BANK1: variants seen among roughly 807,000 people sequenced by gnomAD.
The protein encoded by BANK1 is B-cell scaffold protein with ankyrin repeats.
Under a neutral mutation model 94.5 loss-of-function variants are expected in BANK1, and 95 were observed. That is an observed-to-expected ratio of 1.00 (90% CI 0.85 to 1.19). The LOEUF (loss-of-function observed/expected upper bound fraction) is 1.19. Ranked by LOEUF, BANK1 falls within the 50% of genes most tolerant of loss-of-function variation. BANK1 has a pLI of 0.00. For missense variants in BANK1, 987 were observed against 932.2 expected, an observed-to-expected ratio of 1.06 and a Z score of -0.77; for synonymous variants, 334 against 308.4, an observed-to-expected ratio of 1.08 and a Z score of -0.87.
chr4:101,862,485 C>A (rs12647710), intron 3 of BANK1, 41 bp from the exon 4 acceptor site: 93,135 of 1,542,748 alleles, frequency 0.06, 3,966 homozygotes, highest in African/African-American at 0.17. Flanking sequence ...TTAATGTAAA[C>A]TTTTCCAAAT....
intron 10 of BANK1, among the ~76,000 whole-genome samples, chr4:102,033,282 A>T (rs762431525): frequency 6.6e-6 from 1 of 152,170 alleles, no homozygotes; most frequent in Non-Finnish European, 1.5e-5. Context: ...GAACCCTCCC[A>T]TTATGGGTGA....
At chr4:102,010,330 C>T (rs565556203) in intron 7 of BANK1, among the ~76,000 whole-genome samples, 38 of 151,778 alleles carry the variant, frequency 2.5e-4, no homozygotes, top group African/African-American at 6.8e-4. Flanking sequence ...CCAGTGCTGC[C>T]GTTCTCAAGA....
intron 7 of BANK1, among the ~76,000 whole-genome samples, chr4:101,976,553 A>G (rs1725136824): frequency 6.6e-6 from 1 of 152,152 alleles, no homozygotes; most frequent in Non-Finnish European, 1.5e-5. Context: ...TTGAGCATTA[A>G]TATATCTAAA....
intron 6 of BANK1, among the ~76,000 whole-genome samples, chr4:101,909,122 G>T (rs1199286733): frequency 6.6e-6 from 1 of 152,154 alleles, no homozygotes; most frequent in Non-Finnish European, 1.5e-5. Context: ...GCTTATTGCA[G>T]CAAAGACTTG....
intron 12 of BANK1, chr4:102,061,914 A>G (rs572111504): frequency 3.2e-4 from 49 of 152,324 alleles, no homozygotes; most frequent in African/African-American, 1.1e-3. Context: ...ATTACTTTCC[A>G]TAAGCAACAA....
At chr4:101,854,858 T>A (rs1349588900) in intron 2 of BANK1, among the ~76,000 whole-genome samples, 177 bp from the exon 3 acceptor site, 1 of 152,198 alleles carries the variant, frequency 6.6e-6, no homozygotes, top group South Asian at 2.1e-4. Context: ...ATAAAACTAG[T>A]TAAATTGTGA....
chr4:101,998,283 G>A (rs193138378), intron 7 of BANK1, among the ~76,000 whole-genome samples: 121 of 152,000 alleles, frequency 8.0e-4, no homozygotes, highest in African/African-American at 2.7e-3. Context: ...TCTGAGAGAC[G>A]GTTTGTTATT....
chr4:101,884,974 T>C (rs1228593406), intron 5 of BANK1, among the ~76,000 whole-genome samples: 1 of 152,168 alleles, frequency 6.6e-6, no homozygotes, highest in African/African-American at 2.4e-5. Context: ...AGTGGCGCGA[T>C]CTGGGTTCAC....
At chr4:102,044,881 T>C (rs1727827283) in intron 11 of BANK1, among the ~76,000 whole-genome samples, 1 of 125,804 alleles carries the variant, frequency 7.9e-6, no homozygotes, top group Non-Finnish European at 1.7e-5. Flanking sequence ...ATGGGGTTGT[T>C]TGTTTTTTTC....
At chr4:101,839,714 A>T (rs1726959309) in intron 2 of BANK1, among the ~76,000 whole-genome samples, 1 of 152,040 alleles carries the variant, frequency 6.6e-6, no homozygotes, top group Non-Finnish European at 1.5e-5. Flanking sequence ...TTCATTATTC[A>T]CAATGACCAG....
At chr4:101,980,038 T>C (rs73834536) in intron 7 of BANK1, among the ~76,000 whole-genome samples, 121 of 152,064 alleles carry the variant, frequency 8.0e-4, no homozygotes, top group African/African-American at 2.8e-3. Context: ...AAAAATTCTC[T>C]AGATTTTGGG....
rs774647175 is a variant in BANK1, at chr4:101,855,224, A to C, written c.624+35A>C. 5 of 1,592,406 alleles carry C rather than the reference A, an allele frequency of 3.1e-6. No individual in the cohort carries two copies. The African/African-American group carries it at 6.7e-5, about 21-fold the overall frequency. On this transcript the variant is annotated intron_variant, in intron 3 of 16. Coordinates refer to ENST00000322953, the MANE Select transcript of BANK1 (RefSeq NM_017935.5). ...GATACCTTGTTATTTAAGTGACCCCATTGTGTTATGGTGGTGGTGGTGGTT... is the reference window on the plus strand; with the variant it reads ...GATACCTTGTTATTTAAGTGACCCCCTTGTGTTATGGTGGTGGTGGTGGTT...
At chr4:101,888,813 C>T (rs901503990) in intron 5 of BANK1, among the ~76,000 whole-genome samples, 1 of 152,196 alleles carries the variant, frequency 6.6e-6, no homozygotes, top group Non-Finnish European at 1.5e-5. Context: ...TCATTGCATG[C>T]TTATTCCTAT....
chr4:101,868,222 T>C (rs1309956459), intron 4 of BANK1, among the ~76,000 whole-genome samples: 1 of 151,546 alleles, frequency 6.6e-6, no homozygotes, highest in Non-Finnish European at 1.5e-5. Context: ...AATGAGAAAA[T>C]GAAGCACAAG....
Position 101,970,621 on chromosome 4 carries a change from G to A in BANK1, c.1207-50893G>A, listed in dbSNP as rs558896857. Among the ~76,000 whole-genome samples the A allele has an allele frequency of 1.2e-4, 18 of 152,150 alleles. No homozygotes were observed. In the East Asian group the frequency reaches 2.7e-3, roughly 23 times the overall value. On this transcript the variant is annotated intron_variant, in intron 7 of 16. Coordinates refer to ENST00000322953, the MANE Select transcript of BANK1 (RefSeq NM_017935.5). ...TAGGAAAGTCGTGTTAGCCTGCACA[G>A]CTTGGCATGATAATTAAATAGAAAA...
At position 102,006,285 on chromosome 4, in the gene BANK1, T is replaced by G. The variant is rs10026145; in HGVS notation, c.1207-15229T>G. On this transcript the variant is annotated intron_variant, in intron 7 of 16. Transcript: ENST00000322953. The stretch of plus-strand genomic sequence containing the variant: ...TTGTTTTTAATCTCTGTTCTCATGT[T>G]TCTCCCTCATGGATGCACAGTAGAA... 1.9e-3 allele frequency among the ~76,000 whole-genome samples: 282 copies of G among 152,162 alleles called. 2 individuals carry two copies. The highest frequency in any genetic ancestry group is 6.3e-3 in the African/African-American group (264 of 41,576).
chr4:101,901,757 TTTTTTG>T (rs374471096), intron 6 of BANK1, among the ~76,000 whole-genome samples: 3,893 of 47,592 alleles, frequency 0.082, 179 homozygotes, highest in African/African-American at 0.16. Flanking sequence ...CGCTTTTTGT[TTTTTTG>T]TTTTTGTTTT....
At chr4:101,821,259 G>C (rs896957582) in intron 1 of BANK1, among the ~76,000 whole-genome samples, 2 of 152,150 alleles carry the variant, frequency 1.3e-5, no homozygotes, top group African/African-American at 4.8e-5. Flanking sequence ...CTTTTGAAAA[G>C]TGTCTATTCA....
chr4:101,952,855 C>A (rs2148915362), intron 7 of BANK1, among the ~76,000 whole-genome samples: 1 of 152,224 alleles, frequency 6.6e-6, no homozygotes, highest in South Asian at 2.1e-4. Flanking sequence ...ATTGCCATGT[C>A]CCTTTCATGC....
Sources: gnomAD v4.1 joint callset for allele counts (sites outside exome capture counted in the v4.1 genomes callset) on GRCh38, gnomAD v4.1.1 for gene constraint, MANE v1.5 for transcripts, NCBI Gene and HGNC (gene_info 2026-07-23, HGNC 2026-07-21) for gene names.